The following ITPR1 variants were observed in gnomAD, a reference collection of about 807,000 sequenced individuals.
The protein encoded by ITPR1 is inositol 1,4,5-trisphosphate-gated calcium channel ITPR1.
Under a neutral mutation model 318.4 loss-of-function variants are expected in ITPR1, and 96 were observed. That is an observed-to-expected ratio of 0.30 (90% CI 0.26 to 0.36). The LOEUF is 0.36. Ranked by LOEUF, ITPR1 falls within the 10% of genes least tolerant of loss-of-function variation. The probability of loss-of-function intolerance (pLI) is 1.00; values close to 1 mark genes in which losing one functional copy is unlikely to be tolerated. For missense variants in ITPR1, 2,440 were observed against 3,460.2 expected (o/e 0.71, Z 7.40); for synonymous variants, 1,312 against 1,289.9 (o/e 1.02, Z -0.37).
At chr3:4,496,003 G>C (rs2080532068) in intron 2 of ITPR1, among the ~76,000 whole-genome samples, 2 of 152,228 alleles carry the variant, frequency 1.3e-5, no homozygotes, top group Admixed American at 1.3e-4. Context: ...AGATATTTGA[G>C]GAGGTATTAG....
At chr3:4,809,477 A>G (rs2048796627) in intron 55 of ITPR1, among the ~76,000 whole-genome samples, 1 of 152,192 alleles carries the variant, frequency 6.6e-6, no homozygotes, top group South Asian at 2.1e-4. Context: ...TGCCAGTATT[A>G]TGGTCTAATA....
chr3:4,688,381 A>G (rs746193178), intron 30 of ITPR1, 114 bp from the exon 31 acceptor site: 13 of 1,279,214 alleles, frequency 1.0e-5, no homozygotes, highest in Non-Finnish European at 1.2e-5. Flanking sequence ...TTTACCCACA[A>G]CAGGTCCCCA....
chr3:4,787,829 T>A (rs1430553512), intron 51 of ITPR1, 118 bp from the exon 52 acceptor site: 6 of 675,870 alleles, frequency 8.9e-6, no homozygotes, highest in Non-Finnish European at 9.9e-6. Flanking sequence ...TTTGGGGTTA[T>A]AAAATCAGAG....
chr3:4,723,888 C>G (rs2042331498), intron 40 of ITPR1, among the ~76,000 whole-genome samples: 1 of 152,024 alleles, frequency 6.6e-6, no homozygotes, highest in Non-Finnish European at 1.5e-5. Flanking sequence ...TGGGAAATTG[C>G]TTTAATTCTG....
rs1308958989 is a variant in ITPR1, at chr3:4,516,499, A to G, written c.8A>G (p.Asp3Gly). The G allele has an allele frequency of 1.3e-6, 2 of 1,574,910 alleles. No individual in the cohort carries two copies. The highest frequency in any genetic ancestry group is 8.6e-7 in the Non-Finnish European group (1 of 1,158,782). MSDKMSSFLHIGD... is the reference protein window; with the variant it reads MSGKMSSFLHIGD... ...AGGATTTTCAAGAAAGACATGTCTG[A>G]CAAAATGTCTAGCTTCCTACATATT... The change falls in exon 3 of 62, where the codon GAC becomes GGC. Residue 3 changes from aspartate (D) to glycine (G), a missense_variant. Physicochemically the swap from Asp to Gly is moderately conservative, Grantham distance 94 (BLOSUM62 -1). Transcript: ENST00000649015.
intron 4 of ITPR1, among the ~76,000 whole-genome samples, chr3:4,529,886 A>G (rs1001653446): frequency 1.3e-5 from 2 of 152,238 alleles, no homozygotes; most frequent in Non-Finnish European, 2.9e-5. Flanking sequence ...GTACCTTTCT[A>G]CAGATGAGGA....
At chr3:4,508,877 A>G (rs1320237020) in intron 2 of ITPR1, among the ~76,000 whole-genome samples, 1 of 152,216 alleles carries the variant, frequency 6.6e-6, no homozygotes, top group African/African-American at 2.4e-5. Flanking sequence ...ATGCTGTCCA[A>G]GTATCAGCCA....
intron 4 of ITPR1, among the ~76,000 whole-genome samples, chr3:4,563,708 G>A (rs758097201): frequency 9.9e-5 from 15 of 152,074 alleles, no homozygotes; most frequent in Admixed American, 3.9e-4. Context: ...AAGATTGAAC[G>A]GTGCTAGATT....
chr3:4,789,528 C>T (rs1265453794), intron 52 of ITPR1, among the ~76,000 whole-genome samples: 1 of 152,238 alleles, frequency 6.6e-6, no homozygotes, highest in Non-Finnish European at 1.5e-5. Context: ...TAGGAGAAAA[C>T]TTATCTGTTG....
chr3:4,797,275 A>G (rs1294944512), intron 53 of ITPR1, among the ~76,000 whole-genome samples: 1 of 151,802 alleles, frequency 6.6e-6, no homozygotes, highest in Non-Finnish European at 1.5e-5. Context: ...CATTTCCTAT[A>G]CTCACTGCTA....
At chr3:4,797,488 A>G (rs757398770) in intron 53 of ITPR1, among the ~76,000 whole-genome samples, 17 of 152,148 alleles carry the variant, frequency 1.1e-4, no homozygotes, top group Non-Finnish European at 2.4e-4. Flanking sequence ...AAGGTTTGCA[A>G]CTGCCAAGAA....
At chr3:4,661,195 C>T (rs556385370) in intron 14 of ITPR1, 108 bp downstream of exon 14, 15 of 619,762 alleles carry the variant, frequency 2.4e-5, no homozygotes, top group South Asian at 1.2e-4. Context: ...GTTGCTTTGG[C>T]GAGAGTGTGG....
intron 51 of ITPR1, among the ~76,000 whole-genome samples, chr3:4,784,468 A>G (rs1241471201): frequency 6.6e-6 from 1 of 152,064 alleles, no homozygotes; most frequent in Non-Finnish European, 1.5e-5. Context: ...GGTCCTATCA[A>G]CCATCCTTAT....
chr3:4,749,125 T>C (rs1409994909), intron 44 of ITPR1: 3 of 152,246 alleles, frequency 2.0e-5, no homozygotes, highest in African/African-American at 7.2e-5. Context: ...CAAGGGTTAG[T>C]ATTAGGTAAC....
At chr3:4,652,655 G>C (rs2093622356) in intron 11 of ITPR1, among the ~76,000 whole-genome samples, 1 of 152,168 alleles carries the variant, frequency 6.6e-6, no homozygotes, top group Non-Finnish European at 1.5e-5. Flanking sequence ...CAGAGCATTA[G>C]TGGAATAGAC....
chr3:4,641,047 C>T (rs1163150274), intron 6 of ITPR1, among the ~76,000 whole-genome samples: 1 of 152,198 alleles, frequency 6.6e-6, no homozygotes, highest in Non-Finnish European at 1.5e-5. Flanking sequence ...GGAGGACCTC[C>T]TAACAGTTCT....
At chr3:4,627,222 C>T (rs1411125860) in intron 4 of ITPR1, among the ~76,000 whole-genome samples, 1 of 151,924 alleles carries the variant, frequency 6.6e-6, no homozygotes, top group Non-Finnish European at 1.5e-5. Context: ...ACTATTTGTC[C>T]TTGTATTTAT....
intron 44 of ITPR1, among the ~76,000 whole-genome samples, chr3:4,753,182 G>A (rs1252888959): frequency 6.6e-6 from 1 of 152,192 alleles, no homozygotes; most frequent in Non-Finnish European, 1.5e-5. Context: ...TCTACCCCAT[G>A]GTGGTCGGTC....
intron 34 of ITPR1, among the ~76,000 whole-genome samples, 179 bp from the exon 35 acceptor site, chr3:4,699,634 C>A (rs1216333056): frequency 6.6e-6 from 1 of 152,210 alleles, no homozygotes; most frequent in Admixed American, 6.5e-5. Context: ...CCAAGCTGAT[C>A]TGCTTCTCTT....
Sources: allele counts gnomAD v4.1 joint callset (sites outside exome capture counted in the v4.1 genomes callset), GRCh38; gene constraint gnomAD v4.1.1; transcripts MANE v1.5; gene names NCBI Gene and HGNC (gene_info 2026-07-23, HGNC 2026-07-21).